Variants in TRPM2 observed in about 807,000 individuals in gnomAD.
TRPM2 encodes the protein estrogen-responsive element-associated gene 1 protein.
In TRPM2, 161 loss-of-function variants were observed where a neutral mutation model predicts 174.0. The ratio of observed to expected loss-of-function variants is 0.93; its 90% CI spans 0.81 to 1.05. The LOEUF (loss-of-function observed/expected upper bound fraction) is 1.05, where lower values mean the gene tolerates loss of function less well. Among genes scored for constraint, TRPM2 ranks in the 50% least tolerant of loss-of-function variants. The probability of loss-of-function intolerance (pLI) is 0.00; values close to 1 mark genes in which losing one functional copy is unlikely to be tolerated. For missense variants in TRPM2, 2,057 were observed against 2,038.0 expected, an observed-to-expected ratio of 1.01 and a Z score of -0.18; for synonymous variants, 954 against 861.3, an observed-to-expected ratio of 1.11 and a Z score of -1.88.
chr21:44,361,060 TG>T (rs2048194537), intron 2 of TRPM2, among the ~76,000 whole-genome samples: 1 of 152,210 alleles, frequency 6.6e-6, no homozygotes, highest in Non-Finnish European at 1.5e-5. Context: ...GTTACGTCAA[TG>T]GAATCATACG....
intron 2 of TRPM2, among the ~76,000 whole-genome samples, chr21:44,361,991 G>T (rs1051732613): frequency 6.6e-6 from 1 of 152,228 alleles, no homozygotes; most frequent in Non-Finnish European, 1.5e-5. Flanking sequence ...TTACAGGCGT[G>T]AGCCACTGCT....
In TRPM2 at chr21:44,410,814, G is replaced by T. The variant is rs1785457; in HGVS notation, c.2963-3077G>T. Among the ~76,000 whole-genome samples the T allele has an allele frequency of 1.2e-4, 5 of 42,686 alleles. 2 individuals carry two copies. The Admixed American group carries it at 1.4e-3, about 12-fold the overall frequency. 28.0% of individuals were successfully genotyped at this position (42,686 alleles called of 152,430 possible). ...CGTAGCCTTGTAGTAAGTTTTGACC[G>T]CACTGTCTTGGTGAGCGTAGCCTTG... is the stretch of plus-strand genomic sequence containing the variant. On this transcript the variant is annotated intron_variant, in intron 19 of 31. Coordinates refer to ENST00000397928, the MANE Select transcript of TRPM2 (RefSeq NM_003307.4).
intron 2 of TRPM2, among the ~76,000 whole-genome samples, chr21:44,357,619 G>A (rs1283149722): frequency 6.6e-6 from 1 of 152,352 alleles, no homozygotes; most frequent in East Asian, 1.9e-4. Flanking sequence ...AGCCCAGGGC[G>A]TGCATCCTGC....
At chr21:44,364,727 T>A (rs1013314103) in intron 3 of TRPM2, among the ~76,000 whole-genome samples, 3 of 152,144 alleles carry the variant, frequency 2.0e-5, no homozygotes, top group Non-Finnish European at 4.4e-5. Flanking sequence ...GAGGCCCATG[T>A]GGCAAGTCTG....
At chr21:44,423,420 G>A (rs2050622572) in intron 22 of TRPM2, 4 of 526,480 alleles carry the variant, frequency 7.6e-6, no homozygotes, top group Admixed American at 6.3e-5. Flanking sequence ...AGCTTGCCAT[G>A]TGAGCCTCGG....
intron 15 of TRPM2, among the ~76,000 whole-genome samples, chr21:44,400,872 C>T (rs990234958): frequency 2.0e-5 from 3 of 152,230 alleles, no homozygotes; most frequent in African/African-American, 7.2e-5. Context: ...TGCACCTCCT[C>T]AGAGGCTTGC....
At chr21:44,440,740 C>A (rs1478418398) in intron 30 of TRPM2, 49 bp from the exon 31 acceptor site, 2 of 1,548,230 alleles carry the variant, frequency 1.3e-6, no homozygotes, top group Admixed American at 3.3e-5. Context: ...GGCCGGGGCA[C>A]CGCTCAGGTG....
chr21:44,383,133 T>A (rs2048930665), intron 9 of TRPM2, among the ~76,000 whole-genome samples: 1 of 152,126 alleles, frequency 6.6e-6, no homozygotes, highest in African/African-American at 2.4e-5. Context: ...TCTCTCAACT[T>A]CCTGCTTGCT....
chr21:44,422,277 C>T (rs1220041337), intron 22 of TRPM2: 1 of 1,535,900 alleles, frequency 6.5e-7, no homozygotes, highest in Admixed American at 2.0e-5. Context: ...CAGGGCAGGG[C>T]TGGAGCTTTG....
chr21:44,379,933 C>A (rs1437665111), intron 8 of TRPM2, among the ~76,000 whole-genome samples: 1 of 152,222 alleles, frequency 6.6e-6, no homozygotes, highest in Admixed American at 6.5e-5. Context: ...GTCTTTCCTG[C>A]AGACCCGGGA....
chr21:44,435,237 G>C lies in TRPM2; in HGVS notation c.4061+20G>C, dbSNP rs370525227. On this transcript the variant is annotated intron_variant, in intron 28 of 31. Coordinates refer to ENST00000397928, the MANE Select transcript of TRPM2 (RefSeq NM_003307.4). ...CACGCGGTGAGTTCATGTGTGCCGG[G>C]CACCAGCACCTCAGCAAGGCGGTCA... 6 of 1,607,094 alleles carry C rather than the reference G, an allele frequency of 3.7e-6. No homozygotes were observed. In the African/African-American group the frequency reaches 8.0e-5, roughly 21 times the overall value.
intron 12 of TRPM2, among the ~76,000 whole-genome samples, chr21:44,396,539 C>A (rs920816859): frequency 2.3e-3 from 19 of 8,156 alleles, no homozygotes; most frequent in Non-Finnish European, 3.0e-3. Flanking sequence ...GGTGTGGAGG[C>A]TGTGGAGGGG....
intron 23 of TRPM2, among the ~76,000 whole-genome samples, chr21:44,424,288 T>G (rs2050667704): frequency 6.6e-6 from 1 of 152,184 alleles, no homozygotes; most frequent in South Asian, 2.1e-4. Flanking sequence ...TGCTGGGGCA[T>G]CCACCATCCA....
chr21:44,358,347 G>A (rs190595319), intron 2 of TRPM2, among the ~76,000 whole-genome samples: 21 of 151,874 alleles, frequency 1.4e-4, no homozygotes, highest in Non-Finnish European at 2.5e-4. Flanking sequence ...CAGAATTCAC[G>A]CGCACATGCG....
intron 16 of TRPM2, among the ~76,000 whole-genome samples, chr21:44,402,595 C>T (rs2049659694): frequency 6.6e-6 from 1 of 152,226 alleles, no homozygotes. Context: ...GCCCGGGGCC[C>T]CACCCCAAAT....
chr21:44,373,510 C>T (rs1299637118), intron 5 of TRPM2, among the ~76,000 whole-genome samples: 1 of 152,106 alleles, frequency 6.6e-6, no homozygotes, highest in African/African-American at 2.4e-5. Flanking sequence ...TTAGAGTCTG[C>T]TTTTCGAACA....
rs950425046 is a variant in TRPM2, at chr21:44,432,009, A to C, written c.3975-3122A>C. 2.6e-5 allele frequency among the ~76,000 whole-genome samples: 4 copies of C among 152,098 alleles called. No homozygotes were observed. Among genetic ancestry groups the C allele is most frequent in the Non-Finnish European group, 4.4e-5 (3 of 68,014 alleles). On this transcript the variant is annotated intron_variant, in intron 27 of 31. Transcript: ENST00000397928. The surrounding 1 kb of genome is among the most constrained non-coding windows in gnomAD (Gnocchi z 4.9). ...ACCTTAACCCTAACCCTCTTGGCCC[A>C]TTCACAACAGCAGCCTGTGTGAGCT...
rs898347857 is a variant in TRPM2, at chr21:44,388,523, T to C, written c.1319-2381T>C. On this transcript the variant is annotated intron_variant, in intron 9 of 31. Coordinates refer to ENST00000397928, the MANE Select transcript of TRPM2 (RefSeq NM_003307.4). ...ACATTATGAATATACTTAAGACCAG[T>C]GAACTGTACGCTTAAAAATATTTGG... Among the ~76,000 whole-genome samples, 4 of 152,050 alleles carry C rather than the reference T, an allele frequency of 2.6e-5. No individual in the cohort carries two copies. The Middle Eastern group carries it at 0.01, about 388-fold the overall frequency.
chr21:44,358,696 C>T (rs757215196), intron 2 of TRPM2, among the ~76,000 whole-genome samples: 16 of 152,126 alleles, frequency 1.1e-4, no homozygotes, highest in South Asian at 2.1e-4. Flanking sequence ...TGGAGCAAGA[C>T]GGGAGAGCTC....
Sources: allele counts gnomAD v4.1 joint callset (sites outside exome capture counted in the v4.1 genomes callset), GRCh38; gene constraint gnomAD v4.1.1; non-coding constraint Gnocchi (gnomAD v3.1); transcripts MANE v1.5; gene names NCBI Gene and HGNC (gene_info 2026-07-23, HGNC 2026-07-21).